DIXDC1: variants seen among roughly 807,000 people sequenced by gnomAD.
The protein encoded by DIXDC1 is DIX domain containing 1.
Under a neutral mutation model 103.1 loss-of-function variants are expected in DIXDC1, and 64 were observed. The observed-to-expected ratio is 0.62, with a 90% confidence interval of 0.51 to 0.76. The LOEUF (loss-of-function observed/expected upper bound fraction) is 0.76. Ranked by LOEUF, DIXDC1 falls within the 30% of genes least tolerant of loss-of-function variation. The probability of loss-of-function intolerance (pLI) is 0.00; values close to 1 mark genes in which losing one functional copy is unlikely to be tolerated. For synonymous variants in DIXDC1, 266 were observed against 298.5 expected (o/e 0.89, Z 1.12); for missense variants, 759 against 834.2 (o/e 0.91, Z 1.11).
At chr11:111,987,894 G>A (rs888710137) in intron 9 of DIXDC1, among the ~76,000 whole-genome samples, 14 of 152,020 alleles carry the variant, frequency 9.2e-5, no homozygotes, top group Admixed American at 7.9e-4. Flanking sequence ...GGCTGACTTC[G>A]TGGTCCGCCT....
chr11:111,952,819 C>CAA (rs1293702864), intron 1 of DIXDC1, among the ~76,000 whole-genome samples: 31 of 110,604 alleles, frequency 2.8e-4, no homozygotes, highest in South Asian at 1.5e-3. Context: ...GACTTTGTCT[C>CAA]AAAAAAAAAA....
At chr11:112,012,963 G>A (rs1326689623) in intron 17 of DIXDC1, among the ~76,000 whole-genome samples, 1 of 152,174 alleles carries the variant, frequency 6.6e-6, no homozygotes, top group African/African-American at 2.4e-5. Flanking sequence ...CTCCCCAAAT[G>A]TGTACATAAC....
chr11:111,994,863 C>A (rs1014634124), intron 14 of DIXDC1, among the ~76,000 whole-genome samples, 156 bp from the exon 15 acceptor site: 1 of 152,180 alleles, frequency 6.6e-6, no homozygotes, highest in African/African-American at 2.4e-5. Context: ...GAAAAAAAAT[C>A]TATACTTAAG....
intron 17 of DIXDC1, among the ~76,000 whole-genome samples, chr11:112,007,770 C>T (rs911284508): frequency 9.9e-5 from 15 of 152,168 alleles, no homozygotes; most frequent in Non-Finnish European, 2.2e-4. Context: ...GAGATTCTGT[C>T]ACCACCAGGA....
At chr11:111,989,623 CG>C (rs201651485) in intron 10 of DIXDC1, among the ~76,000 whole-genome samples, 7,063 of 104,920 alleles carry the variant, frequency 0.067, 746 homozygotes, top group African/African-American at 0.2. Flanking sequence ...GACTCCGTCT[CG>C]GAAAAAAAAA....
rs1354557345 is a variant in DIXDC1 at position 111,976,573 on chromosome 11, C to T, written c.656+1590C>T. 1.3e-5 allele frequency among the ~76,000 whole-genome samples: 2 copies of T among 152,128 alleles called. No individual in the cohort carries two copies. The highest frequency in any genetic ancestry group is 2.9e-5 in the Non-Finnish European group (2 of 68,016). ...GAAGGAGAGGGCTTCTTGTGGCTAT[C>T]TGGAACCCAGCAGGTTCCCGCACAT... On this transcript the variant is annotated intron_variant, in intron 5 of 19. Transcript: ENST00000440460. This position sits in a 1 kb window ranked among gnomAD's most constrained non-coding sequence, Gnocchi z 4.3.
chr11:112,012,969 A>G (rs1431245290), intron 17 of DIXDC1, among the ~76,000 whole-genome samples: 1 of 152,228 alleles, frequency 6.6e-6, no homozygotes, highest in East Asian at 1.9e-4. Flanking sequence ...AAATGTGTAC[A>G]TAACATTTGT....
At chr11:111,983,413 GGGA>G (rs45447196) in intron 7 of DIXDC1, among the ~76,000 whole-genome samples, 4,065 of 152,242 alleles carry the variant, frequency 0.027, 79 homozygotes, top group Non-Finnish European at 0.037. Flanking sequence ...TGAGAAGTGT[GGGA>G]GGAATGTTGC....
In DIXDC1 at chr11:111,992,419, C is replaced by A; in HGVS notation, c.1118C>A (p.Ala373Asp). 1 of 1,575,104 alleles carries A rather than the reference C, an allele frequency of 6.3e-7. No individual in the cohort carries two copies. The highest frequency in any genetic ancestry group is 8.6e-7 in the Non-Finnish European group (1 of 1,159,630). Reference protein sequence around the residue: ...EARNLQGIKDALQQRLTQQDT... With the variant: ...EARNLQGIKDDLQQRLTQQDT... ...TTAGTATGCTTTTTCCCCTAGGATG[C>A]CTTGCAGCAGAGATTGACTCAGCAG... is the stretch of plus-strand genomic sequence containing the variant. The change falls in exon 11 of 20, where the codon GCC becomes GAC. Residue 373 changes from alanine to aspartate, a missense_variant. Coordinates refer to ENST00000440460, the MANE Select transcript of DIXDC1 (RefSeq NM_001037954.4).
rs1316868877 is a variant in DIXDC1 at position 111,958,256 on chromosome 11, G to C, written c.61-6293G>C. Among the ~76,000 whole-genome samples the C allele has an allele frequency of 2.1e-3, 324 of 152,122 alleles. 3 individuals carry two copies. Among genetic ancestry groups the C allele is most frequent in the Non-Finnish European group, 2.6e-4 (18 of 67,962 alleles). On this transcript the variant is annotated intron_variant, in intron 1 of 19. Coordinates refer to ENST00000440460, the MANE Select transcript of DIXDC1 (RefSeq NM_001037954.4). This position sits in a 1 kb window ranked among gnomAD's most constrained non-coding sequence, Gnocchi z 4.2. ...TGGACCAGGCATCCCTGTGCTCTTGGGGGCCAGGAGCAGGCAGGAGCCCCA... is the reference window on the plus strand; with the variant it reads ...TGGACCAGGCATCCCTGTGCTCTTGCGGGCCAGGAGCAGGCAGGAGCCCCA...
At chr11:111,985,421 C>A in intron 8 of DIXDC1, 100 bp downstream of exon 8, 1 of 929,984 alleles carries the variant, frequency 1.1e-6, no homozygotes, top group South Asian at 1.7e-5. Flanking sequence ...ATGCTGTCTT[C>A]CTTGACCAGT....
chr11:111,985,269 A>C lies in DIXDC1; in HGVS notation c.956A>C (p.Gln319Pro). 6.2e-7 allele frequency: 1 copy of C among 1,613,814 alleles called. No individual in the cohort carries two copies. The highest frequency in any genetic ancestry group is 8.5e-7 in the Non-Finnish European group (1 of 1,179,828). ...AATGGATCCTTACCTGAAGATGAAC[A>C]GGAGAGGCCCTTGGCCCTCTGTGAA... ...LLNGSLPEDEQERPLALCEPG... is the reference protein window; with the variant it reads ...LLNGSLPEDEPERPLALCEPG... Residue 319 changes from glutamine to proline, a missense_variant, in exon 8 of 20, where the codon CAG (glutamine) becomes CCG (proline). Coordinates refer to ENST00000440460, the MANE Select transcript of DIXDC1 (RefSeq NM_001037954.4).
At chr11:111,989,997 A>G (rs1273801515) in intron 10 of DIXDC1, among the ~76,000 whole-genome samples, 5 of 150,074 alleles carry the variant, frequency 3.3e-5, no homozygotes, top group South Asian at 2.1e-4. Flanking sequence ...TCACCGTGTT[A>G]GCCAGGATGG....
chr11:111,951,376 CAATG>C (rs1966798617), intron 1 of DIXDC1, among the ~76,000 whole-genome samples: 1 of 151,946 alleles, frequency 6.6e-6, no homozygotes, highest in East Asian at 1.9e-4. Flanking sequence ...AGAGCATTGA[CAATG>C]AAGGAAAACC....
At chr11:111,959,196 A>G (rs1298556703) in intron 1 of DIXDC1, among the ~76,000 whole-genome samples, 1 of 152,200 alleles carries the variant, frequency 6.6e-6, no homozygotes, top group African/African-American at 2.4e-5. Flanking sequence ...CCCCTTGCTC[A>G]CCATGTTGCA....
At chr11:111,948,815 C>G (rs1966682107) in intron 1 of DIXDC1, among the ~76,000 whole-genome samples, 1 of 152,156 alleles carries the variant, frequency 6.6e-6, no homozygotes, top group Non-Finnish European at 1.5e-5. Context: ...CTTCCCACCT[C>G]CGCACTTCCC....
chr11:111,975,535 A>G (rs782801815), intron 5 of DIXDC1: 36 of 988,250 alleles, frequency 3.6e-5, no homozygotes, highest in Non-Finnish European at 4.3e-5. Flanking sequence ...TTTAGAGCCA[A>G]GTACAGAGAC....
chr11:111,993,843 A>G (rs587633244), intron 14 of DIXDC1, 103 bp downstream of exon 14: 74 of 1,326,860 alleles, frequency 5.6e-5, no homozygotes, highest in Non-Finnish European at 7.4e-5. Context: ...GTTTGTTAGG[A>G]GGCTCTATGA....
chr11:111,945,068 G>A (rs1966548013), intron 1 of DIXDC1, among the ~76,000 whole-genome samples: 1 of 152,184 alleles, frequency 6.6e-6, no homozygotes, highest in Admixed American at 6.5e-5. Flanking sequence ...GGAATCCAAG[G>A]AAAGGCAGAA....
Sources: gnomAD v4.1 joint callset for allele counts (sites outside exome capture counted in the v4.1 genomes callset) on GRCh38, gnomAD v4.1.1 for gene constraint, Gnocchi (gnomAD v3.1) non-coding constraint, MANE v1.5 for transcripts, NCBI Gene and HGNC (gene_info 2026-07-23, HGNC 2026-07-21) for gene names.